The following DYNC1H1 variants were observed in gnomAD, a reference collection of about 807,000 sequenced individuals.
DYNC1H1 encodes dynein cytoplasmic 1 heavy chain 1.
DYNC1H1 carries 51 observed loss-of-function variants against 527.1 expected under a neutral mutation model. The observed-to-expected ratio is 0.10, with a 90% CI of 0.08 to 0.12. The LOEUF (loss-of-function observed/expected upper bound fraction) is 0.12. DYNC1H1 is among the 10% of genes least tolerant of loss of function. The probability of loss-of-function intolerance (pLI) is 1.00; values close to 1 mark genes in which losing one functional copy is unlikely to be tolerated. For missense variants in DYNC1H1, 2,771 were observed against 5,971.8 expected (o/e 0.46, Z 17.66); for synonymous variants, 2,189 against 2,278.8 (o/e 0.96, Z 1.12).
Position 102,049,688 on chromosome 14 carries a change from C to A in DYNC1H1, c.13516-26C>A, listed in dbSNP as rs374104574. On this transcript the variant is annotated intron_variant, in intron 75 of 77. Coordinates refer to ENST00000360184, the MANE Select transcript of DYNC1H1 (RefSeq NM_001376.5). The surrounding 1 kb of genome is among the most constrained non-coding windows in gnomAD (Gnocchi z 5.5). ...GGCCCAGGTCTGACCTGAGCTCCTT[C>A]CCCTGGGGGCTGCTGCTTTCCACAG... is the stretch of plus-strand genomic sequence containing the variant. 8.2e-5 allele frequency: 133 copies of A among 1,613,852 alleles called. No homozygotes were observed. In the African/African-American group the frequency reaches 1.6e-3, roughly 19 times the overall value.
intron 57 of DYNC1H1, chr14:102,037,974 G>A: frequency 3.4e-6 from 1 of 294,482 alleles, no homozygotes; most frequent in East Asian, 8.9e-5. Context: ...GGGCTACTGA[G>A]CACTTCCCAT....
chr14:101,998,181 C>T (rs1164361746), intron 16 of DYNC1H1, among the ~76,000 whole-genome samples: 1 of 151,914 alleles, frequency 6.6e-6, no homozygotes, highest in African/African-American at 2.4e-5. Context: ...TCTATAAACG[C>T]TGATCCGATA....
At position 102,050,988 on chromosome 14, in the gene DYNC1H1, G is replaced by T; in HGVS notation, c.*425G>T. 3.5e-6 allele frequency: 1 copy of T among 284,510 alleles called. No homozygotes were observed. Among genetic ancestry groups the T allele is most frequent in the Non-Finnish European group, 6.8e-6 (1 of 146,766 alleles). 17.6% of individuals were successfully genotyped at this position (284,510 alleles called of 1,614,324 possible). A position where few individuals can be genotyped will look rare whatever the true frequency, so the allele number is the denominator to read the frequency against. On this transcript the variant is annotated 3_prime_UTR_variant, in exon 78 of 78. Coordinates refer to ENST00000360184, the MANE Select transcript of DYNC1H1 (RefSeq NM_001376.5). ...CACAGACACAGATGCAGCCAGCTGT[G>T]GCTCTGAAGGCCCTGGGGCCCGGGC...
At chr14:102,008,840 A>T (rs2048226676) in intron 29 of DYNC1H1, among the ~76,000 whole-genome samples, 1 of 152,192 alleles carries the variant, frequency 6.6e-6, no homozygotes. Context: ...TCCTCATTCT[A>T]GGGCAGCAGC....
chr14:101,988,657 T>C, intron 9 of DYNC1H1, 46 bp from the exon 10 acceptor site: 1 of 1,613,584 alleles, frequency 6.2e-7, no homozygotes, highest in Non-Finnish European at 8.5e-7. Flanking sequence ...CTTTGTGAGC[T>C]AACTTTTAGA....
chr14:101,975,602 G>A (rs887149097), intron 1 of DYNC1H1, 110 bp from the exon 2 acceptor site: 5 of 969,012 alleles, frequency 5.2e-6, no homozygotes, highest in Non-Finnish European at 8.1e-6. Flanking sequence ...TCATGTAGGT[G>A]TCGATATGTC....
chr14:101,975,883 A>G, intron 2 of DYNC1H1, 84 bp downstream of exon 2: 1 of 1,096,716 alleles, frequency 9.1e-7, no homozygotes, highest in Non-Finnish European at 1.4e-6. Context: ...AAACTCAGAA[A>G]TTCTTACTAA....
rs184853838 is a variant in DYNC1H1, at chr14:102,030,278, G to A, written c.9879G>A (p.Gln3293=). The change falls in exon 51 of 78, where the codon CAG becomes CAA. Residue 3293 remains glutamine, a synonymous_variant. Coordinates refer to ENST00000360184, the MANE Select transcript of DYNC1H1 (RefSeq NM_001376.5). ...DKVEPAVIEA[Q]NAVKSIKKQH... ...TGGAACCTGCCGTCATTGAGGCCCA[G>A]AATGGTATGTAAAGACTGTCAGAGC... 8.1e-6 allele frequency: 13 copies of A among 1,614,076 alleles called. No individual in the cohort carries two copies. Among genetic ancestry groups the A allele is most frequent in the African/African-American group, 2.7e-5 (2 of 75,040 alleles).
rs1314946037 is a variant in DYNC1H1 at position 101,983,249 on chromosome 14, A to C, written c.1192A>C (p.Thr398Pro). 1 of 1,614,136 alleles carries C rather than the reference A, an allele frequency of 6.2e-7. No individual in the cohort carries two copies. Among genetic ancestry groups the C allele is most frequent in the African/African-American group, 1.3e-5 (1 of 74,946 alleles). ...LSSQLLKVLG[T>P]RKLMHVAYEE... ...TTCTCAATTACTCAAAGTATTGGGCACTAGGAAATTGATGCATGTTGCTTA... is the reference window on the plus strand; with the variant it reads ...TTCTCAATTACTCAAAGTATTGGGCCCTAGGAAATTGATGCATGTTGCTTA... The change falls in exon 6 of 78, where the codon ACT becomes CCT. Residue 398 changes from threonine (T) to proline (P), a missense_variant. This residue lies in a region of DYNC1H1 where 264 missense variants were observed against 619.4 expected (regional missense o/e 0.43). Transcript: ENST00000360184. The surrounding 1 kb of genome is among the most constrained non-coding windows in gnomAD (Gnocchi z 5.3).
In DYNC1H1 at chr14:102,050,196, G is replaced by A; in HGVS notation, c.13810G>A (p.Val4604Met). The A allele has an allele frequency of 6.2e-7, 1 of 1,614,052 alleles. No homozygotes were observed. The highest frequency in any genetic ancestry group is 8.5e-7 in the Non-Finnish European group (1 of 1,180,024). ...KQTNTEKKAS[V>M]VTLPVYLNFT... ...GACAAACACCGAGAAGAAGGCCAGT[G>A]TGGTAAGGAGGCACTGCCTTTCCCA... Residue 4604 changes from valine (V) to methionine (M), a missense_variant and splice_region_variant, in exon 77 of 78, where the codon GTG becomes ATG. Physicochemically the swap from Val to Met is conservative, Grantham distance 21. Around this residue, in one of 32 missense-constraint regions of DYNC1H1, gnomAD observed 106 missense variants for 139.2 expected, o/e 0.76. Coordinates refer to ENST00000360184, the MANE Select transcript of DYNC1H1 (RefSeq NM_001376.5).
intron 23 of DYNC1H1, 102 bp downstream of exon 23, chr14:102,003,067 G>A (rs1458485872): frequency 1.3e-6 from 2 of 1,492,762 alleles, no homozygotes; most frequent in African/African-American, 1.4e-5. Context: ...TGTTAGTTTT[G>A]ACATCAAGGA....
rs2048364745 is a variant in DYNC1H1, at chr14:102,019,786, G to T, written c.8344-107G>T. 4 of 1,396,208 alleles carry T rather than the reference G, an allele frequency of 2.9e-6. No individual in the cohort carries two copies. In the Admixed American group the frequency reaches 6.8e-5, roughly 24 times the overall value. The allele number at this position is 1,396,208 out of a possible 1,614,324, so 86.5% of individuals were successfully genotyped here. A position where few individuals can be genotyped will look rare whatever the true frequency, so the allele number is the denominator to read the frequency against. On this transcript the variant is annotated intron_variant, in intron 41 of 77. Transcript: ENST00000360184. ...CCAGCTATCTTCTTAAATATTTCAGGGTCTAGGTTCTTTAATGTAAACATG... is the reference window on the plus strand; with the variant it reads ...CCAGCTATCTTCTTAAATATTTCAGTGTCTAGGTTCTTTAATGTAAACATG...
rs1289007117 is a variant in DYNC1H1, at chr14:102,019,924, A to G, written c.8375A>G (p.Tyr2792Cys). The part of the protein sequence containing the change: ...ERFTQDTQPH[Y>C]IYSPREMTRW... Reference sequence around the variant, plus strand: ...TTCACCCAGGATACACAACCTCACTATATCTATTCACCCCGTGAAATGACT... The same window carrying G: ...TTCACCCAGGATACACAACCTCACTGTATCTATTCACCCCGTGAAATGACT... The change falls in exon 42 of 78, where the codon TAT becomes TGT. Residue 2792 changes from tyrosine (Y) to cysteine (C), a missense_variant. Physicochemically the swap from Tyr to Cys is radical, Grantham distance 194. This residue lies in a region of DYNC1H1 where 163 missense variants were observed against 346.9 expected (regional missense o/e 0.47). Coordinates refer to ENST00000360184, the MANE Select transcript of DYNC1H1 (RefSeq NM_001376.5). The G allele has an allele frequency of 1.2e-6, 2 of 1,613,988 alleles. No homozygotes were observed. The highest frequency in any genetic ancestry group is 1.7e-5 in the Admixed American group (1 of 59,982).
chr14:102,035,431 G>C (rs10131049), intron 56 of DYNC1H1: 2 of 152,240 alleles, frequency 1.3e-5, no homozygotes, highest in Non-Finnish European at 2.9e-5. Flanking sequence ...ACGTCTCACC[G>C]GGTGGTGCCA....
At chr14:101,993,986 T>C (rs1254548756) in intron 11 of DYNC1H1, among the ~76,000 whole-genome samples, 198 bp from the exon 12 acceptor site, 7 of 152,250 alleles carry the variant, frequency 4.6e-5, no homozygotes, top group African/African-American at 1.7e-4. Context: ...TTGTCATTAA[T>C]GTTCTTGTAT....
chr14:102,037,123 C>G (rs1322404698), intron 57 of DYNC1H1: 1 of 189,444 alleles, frequency 5.3e-6, no homozygotes, highest in Non-Finnish European at 1.1e-5. Flanking sequence ...ATATTCAGTA[C>G]AGCCATAAAA....
At position 102,017,599 on chromosome 14, in the gene DYNC1H1, GACA is replaced by G; in HGVS notation, c.8177+100_8177+102del. 5.0e-6 allele frequency: 8 copies of G among 1,598,002 alleles called. No homozygotes were observed. The highest frequency in any genetic ancestry group is 6.9e-6 in the Non-Finnish European group (8 of 1,166,696). ...ACAAAAACCTGGTTTTGATAATAAAGACAACAATACTGCTTATTGTGGATTCCT... is the reference window on the plus strand; with the variant it reads ...ACAAAAACCTGGTTTTGATAATAAAGACAATACTGCTTATTGTGGATTCCT... On this transcript the variant is annotated intron_variant, in intron 40 of 77. Transcript: ENST00000360184. The surrounding 1 kb of genome is among the most constrained non-coding windows in gnomAD (Gnocchi z 4.6).
chr14:102,020,021 T>G lies in DYNC1H1; in HGVS notation c.8472T>G (p.Ile2824Met). ...TGCCTGTTGAAGGCCTCATTCGGAT[T>G]TGGGCACATGAAGCTCTGCGTCTCT... ...ETLPVEGLIR[I>M]WAHEALRLFQ... is the part of the protein sequence containing the mutation. Residue 2824 changes from isoleucine (I) to methionine (M), a missense_variant, in exon 42 of 78, where the codon ATT becomes ATG. Around this residue, in one of 32 missense-constraint regions of DYNC1H1, gnomAD observed 163 missense variants for 346.9 expected, o/e 0.47. Coordinates refer to ENST00000360184, the MANE Select transcript of DYNC1H1 (RefSeq NM_001376.5). This position sits in a 1 kb window ranked among gnomAD's most constrained non-coding sequence, Gnocchi z 4.3. 5 of 1,614,158 alleles carry G rather than the reference T, an allele frequency of 3.1e-6. No homozygotes were observed. The highest frequency in any genetic ancestry group is 3.4e-6 in the Non-Finnish European group (4 of 1,180,036).
intron 5 of DYNC1H1, among the ~76,000 whole-genome samples, chr14:101,981,095 T>G (rs1174176128): frequency 1.3e-5 from 2 of 152,190 alleles, no homozygotes; most frequent in Non-Finnish European, 2.9e-5. Flanking sequence ...TGTTTTGTTT[T>G]GTTTTGTTTT....
Sources: allele counts gnomAD v4.1 joint callset (sites outside exome capture counted in the v4.1 genomes callset), GRCh38; gene constraint gnomAD v4.1.1; regional missense constraint gnomAD v4.1.1; non-coding constraint Gnocchi (gnomAD v3.1); transcripts MANE v1.5; gene names NCBI Gene and HGNC (gene_info 2026-07-23, HGNC 2026-07-21).